Variants in SPI1 observed in about 807,000 individuals in gnomAD.
SPI1 encodes the protein Spi-1 proto-oncogene.
In SPI1, 3 loss-of-function variants were observed where a neutral mutation model predicts 30.7. That is an observed-to-expected ratio of 0.10 (90% CI 0.04 to 0.25). The LOEUF (loss-of-function observed/expected upper bound fraction) is 0.25, where lower values mean the gene tolerates loss of function less well. Ranked by LOEUF, SPI1 falls within the 10% of genes least tolerant of loss-of-function variation. SPI1 has a pLI of 1.00. For missense variants in SPI1, 261 were observed against 371.5 expected (o/e 0.70, Z 2.45); for synonymous variants, 169 against 157.1 (o/e 1.08, Z -0.56).
chr11:47,376,460 C>A, intron 1 of SPI1, among the ~76,000 whole-genome samples: 1 of 152,108 alleles, frequency 6.6e-6, no homozygotes, highest in East Asian at 1.9e-4. Context: ...GTGCAGGGGT[C>A]ACCCAGGCAG....
intron 2 of SPI1, among the ~76,000 whole-genome samples, chr11:47,373,387 C>T (rs1201839630): frequency 6.6e-6 from 1 of 151,692 alleles, no homozygotes; most frequent in African/African-American, 2.4e-5. Context: ...GTGGTTCACA[C>T]CTGTAATCCC....
chr11:47,356,837 GCCCCACACGCACACAC>G (rs1250314125), intron 4 of SPI1, among the ~76,000 whole-genome samples: 1 of 141,448 alleles, frequency 7.1e-6, no homozygotes, highest in African/African-American at 2.7e-5. Context: ...ACGTTACTCA[GCCCCACACGCACACAC>G]CTGCTCACAC....
rs1399725467 is a variant in SPI1 at position 47,378,483 on chromosome 11, G to C, written c.-130C>G. ...TGCAGGGCTCAGGCCTGCCCCCTGA[G>C]CTACAGGAGCCCTGGGTGAGCCCCC... On this transcript the variant is annotated 5_prime_UTR_variant, in exon 1 of 5. Coordinates refer to ENST00000378538, the MANE Select transcript of SPI1 (RefSeq NM_003120.3). 3 of 937,804 alleles carry C rather than the reference G, an allele frequency of 3.2e-6. No individual in the cohort carries two copies. The East Asian group carries it at 8.0e-5, about 25-fold the overall frequency. The allele number at this position is 937,804 out of a possible 1,614,324, so 58.1% of individuals were successfully genotyped here.
At chr11:47,363,042 GTCAA>G (rs1360554243) in intron 2 of SPI1, among the ~76,000 whole-genome samples, 1 of 152,062 alleles carries the variant, frequency 6.6e-6, no homozygotes, top group Non-Finnish European at 1.5e-5. Flanking sequence ...GGCCACCTTA[GTCAA>G]TGGCCCAGAG....
At chr11:47,361,450 C>T (rs1171469588) in intron 2 of SPI1, among the ~76,000 whole-genome samples, 1 of 152,204 alleles carries the variant, frequency 6.6e-6, no homozygotes, top group Non-Finnish European at 1.5e-5. Flanking sequence ...GGGGAATAAC[C>T]CCATGCCACC....
chr11:47,377,527 A>G (rs1294848097), intron 1 of SPI1, among the ~76,000 whole-genome samples: 1 of 151,782 alleles, frequency 6.6e-6, no homozygotes, highest in Non-Finnish European at 1.5e-5. Flanking sequence ...TGGGGCTCCC[A>G]CTTCTTCACC....
intron 4 of SPI1, among the ~76,000 whole-genome samples, chr11:47,356,320 T>G (rs1382650463): frequency 7.3e-6 from 1 of 136,110 alleles, no homozygotes; most frequent in Non-Finnish European, 1.6e-5. Context: ...ACACTGCATC[T>G]GCTTACACAT....
intron 2 of SPI1, among the ~76,000 whole-genome samples, chr11:47,363,671 A>G (rs1003050756): frequency 6.6e-6 from 1 of 151,926 alleles, no homozygotes; most frequent in African/African-American, 2.4e-5. Flanking sequence ...GCCTCTTAAG[A>G]AGCCTCTCAG....
At chr11:47,369,031 A>C (rs932543504) in intron 2 of SPI1, among the ~76,000 whole-genome samples, 2 of 152,212 alleles carry the variant, frequency 1.3e-5, no homozygotes, top group East Asian at 1.9e-4. Flanking sequence ...GGATCACCTG[A>C]GGTCAGGACT....
intron 2 of SPI1, among the ~76,000 whole-genome samples, chr11:47,373,048 G>A (rs150475851): frequency 7.7e-4 from 118 of 152,276 alleles, no homozygotes; most frequent in African/African-American, 2.6e-3. Context: ...ATACCTTCCA[G>A]CGGGTATAAA....
rs752278910 is a variant in SPI1 at position 47,358,911 on chromosome 11, T to C, written c.426A>G (p.Pro142=). 4.5e-6 allele frequency: 7 copies of C among 1,563,052 alleles called. No individual in the cohort carries two copies. The highest frequency in any genetic ancestry group is 2.3e-5 in the East Asian group (1 of 43,688). Residue 142 remains proline, a synonymous_variant, in exon 4 of 5, where the codon CCA becomes CCG. Transcript: ENST00000378538. ...DEEEGERQSP[P]LEVSDGEADG... ...CCGCCTCGCCGTCAGACACCTCCAGTGGGGGGCTCTGCCGCTCGCCCTCCT... is the reference window on the plus strand; with the variant it reads ...CCGCCTCGCCGTCAGACACCTCCAGCGGGGGGCTCTGCCGCTCGCCCTCCT...
At chr11:47,373,763 G>A (rs1422577225) in intron 2 of SPI1, among the ~76,000 whole-genome samples, 2 of 152,160 alleles carry the variant, frequency 1.3e-5, no homozygotes, top group South Asian at 2.1e-4. Flanking sequence ...GGAGGAACTA[G>A]GGGTTCATGA....
At chr11:47,358,639 G>T in intron 4 of SPI1, 1 of 708,876 alleles carries the variant, frequency 1.4e-6, no homozygotes, top group Non-Finnish European at 2.6e-6. Flanking sequence ...ACACTTCATG[G>T]AGATGCCCGT....
intron 4 of SPI1, chr11:47,358,356 G>A (rs764052638): frequency 5.1e-6 from 3 of 588,962 alleles, no homozygotes; most frequent in African/African-American, 1.9e-5. Context: ...GCTCACACAG[G>A]CACACCCACA....
At chr11:47,357,722 C>T (rs564923448) in intron 4 of SPI1, among the ~76,000 whole-genome samples, 4 of 152,326 alleles carry the variant, frequency 2.6e-5, no homozygotes, top group East Asian at 1.9e-4. Context: ...TTCACCACCA[C>T]GCCTGACTAA....
rs772066124 is a variant in SPI1, at chr11:47,375,151, C to T, written c.142+482G>A. On this transcript the variant is annotated intron_variant, in intron 2 of 4. Coordinates refer to ENST00000378538, the MANE Select transcript of SPI1 (RefSeq NM_003120.3). The surrounding 1 kb of genome is among the most constrained non-coding windows in gnomAD (Gnocchi z 4.2). ...CCCACCCAAAATGTCAGCAGTGCCA[C>T]AGTTAGGAAACCCTGCCAACCACAC... Among the ~76,000 whole-genome samples the T allele has an allele frequency of 3.3e-5, 5 of 152,292 alleles. No homozygotes were observed. The highest frequency in any genetic ancestry group is 2.6e-4 in the Admixed American group (4 of 15,306).
In SPI1 at chr11:47,359,657, G is replaced by A. The variant is rs992733487; in HGVS notation, c.330+196C>T. On this transcript the variant is annotated intron_variant, in intron 3 of 4. Coordinates refer to ENST00000378538, the MANE Select transcript of SPI1 (RefSeq NM_003120.3). The surrounding 1 kb of genome is among the most constrained non-coding windows in gnomAD (Gnocchi z 5.1). ...TCTGGGGTCTGTCCATACTCGGGGT[G>A]AGATGAGATAAGGGGTGTGGGGTCA... Among the ~76,000 whole-genome samples, 3 of 152,018 alleles carry A rather than the reference G, an allele frequency of 2.0e-5. No homozygotes were observed. The highest frequency in any genetic ancestry group is 4.8e-5 in the African/African-American group (2 of 41,374).
At chr11:47,358,540 G>A (rs538409268) in intron 4 of SPI1, 32 of 690,536 alleles carry the variant, frequency 4.6e-5, no homozygotes, top group Admixed American at 1.6e-4. Context: ...GCACCTGCCC[G>A]TACCTGTGCA....
At chr11:47,367,817 G>A (rs1419779564) in intron 2 of SPI1, among the ~76,000 whole-genome samples, 2 of 139,092 alleles carry the variant, frequency 1.4e-5, no homozygotes, top group Non-Finnish European at 3.0e-5. Flanking sequence ...GAGTGCAGTG[G>A]GGCAATCTCA....
Sources: allele counts gnomAD v4.1 joint callset (sites outside exome capture counted in the v4.1 genomes callset), GRCh38; gene constraint gnomAD v4.1.1; non-coding constraint Gnocchi (gnomAD v3.1); transcripts MANE v1.5; gene names NCBI Gene and HGNC (gene_info 2026-07-23, HGNC 2026-07-21).